Variants in COMMD1 observed in about 807,000 individuals in gnomAD.
COMMD1 encodes the protein COMM domain-containing protein 1.
Under a neutral mutation model 17.2 loss-of-function variants are expected in COMMD1, and 10 were observed. The observed-to-expected ratio is 0.58, with a 90% confidence interval of 0.36 to 0.99. The LOEUF is 0.99. COMMD1 is among the 50% of genes least tolerant of loss of function. COMMD1 has a pLI of 0.01. For synonymous variants in COMMD1, 97 were observed against 91.6 expected (o/e 1.06, Z -0.34); for missense variants, 270 against 231.8 (o/e 1.17, Z -1.07).
chr2:62,058,788 G>T (rs1163430900), intron 2 of COMMD1, among the ~76,000 whole-genome samples: 1 of 150,658 alleles, frequency 6.6e-6, no homozygotes, highest in African/African-American at 2.4e-5. Flanking sequence ...CTTTCTTTCT[G>T]TTTTTTTTTG....
chr2:61,930,023 T>C (rs1234725820), intron 1 of COMMD1, among the ~76,000 whole-genome samples: 1 of 152,000 alleles, frequency 6.6e-6, no homozygotes, highest in African/African-American at 2.4e-5. Flanking sequence ...GGGAAAGATA[T>C]TTTTCCTCCC....
rs1238325360 is a variant in COMMD1 at position 62,130,138 on chromosome 2, G to A, written c.463-5693G>A. Among the ~76,000 whole-genome samples the A allele has an allele frequency of 2.7e-5, 4 of 146,916 alleles. No homozygotes were observed. The East Asian group carries it at 7.9e-4, about 29-fold the overall frequency. ...TGCAATGAGCCGAGATCGCGCCAGT[G>A]AGCGAGACTCTGTCTCAAAAAAAAA... On this transcript the variant is annotated intron_variant, in intron 2 of 2. Transcript: ENST00000311832.
chr2:62,100,989 G>A (rs1672163525), intron 2 of COMMD1, among the ~76,000 whole-genome samples: 2 of 151,824 alleles, frequency 1.3e-5, no homozygotes, highest in Non-Finnish European at 2.9e-5. Context: ...GAGTCTGATT[G>A]GAAAGTAAGT....
chr2:62,004,237 C>A (rs1669046734), intron 2 of COMMD1, among the ~76,000 whole-genome samples: 1 of 152,188 alleles, frequency 6.6e-6, no homozygotes, highest in African/African-American at 2.4e-5. Context: ...ACATCACATA[C>A]TTCAAAGTAG....
chr2:62,108,252 C>G (rs1255192802), intron 2 of COMMD1, among the ~76,000 whole-genome samples: 1 of 152,090 alleles, frequency 6.6e-6, no homozygotes, highest in Non-Finnish European at 1.5e-5. Flanking sequence ...GAATTCTGCA[C>G]TATGTTTGTA....
intron 2 of COMMD1, among the ~76,000 whole-genome samples, chr2:62,066,961 T>C (rs1011199811): frequency 6.9e-6 from 1 of 144,594 alleles, no homozygotes; most frequent in Non-Finnish European, 1.5e-5. Flanking sequence ...CCTGGTCTCA[T>C]GTGATCTGCC....
chr2:61,905,660 G>T (rs1420559524), upstream of COMMD1: 10 of 1,531,818 alleles, frequency 6.5e-6, no homozygotes, highest in South Asian at 1.1e-4. Context: ...GCTGTTGCGG[G>T]GCGGGGCCTT....
At chr2:61,997,357 G>T (rs1406849882) in intron 1 of COMMD1, among the ~76,000 whole-genome samples, 2 of 150,434 alleles carry the variant, frequency 1.3e-5, no homozygotes. Context: ...CACTATGCCT[G>T]GTCACAAAAT....
intron 2 of COMMD1, among the ~76,000 whole-genome samples, chr2:62,040,559 A>G (rs1018317603): frequency 6.6e-6 from 1 of 152,220 alleles, no homozygotes; most frequent in African/African-American, 2.4e-5. Flanking sequence ...CAAAAGACAA[A>G]ATATTTCAGG....
chr2:62,054,797 G>A lies in COMMD1; in HGVS notation c.462+53815G>A, dbSNP rs369597569. Among the ~76,000 whole-genome samples, 76 of 152,300 alleles carry A rather than the reference G, an allele frequency of 5.0e-4. 1 individual carries two copies. Among genetic ancestry groups the A allele is most frequent in the South Asian group, 4.6e-3 (22 of 4,820 alleles). On this transcript the variant is annotated intron_variant, in intron 2 of 2. Coordinates refer to ENST00000311832, the MANE Select transcript of COMMD1 (RefSeq NM_152516.4). ...TTGGGTGATGGATACCCTAAAAGCC[G>A]TGACTTGACCTCTATGCAATCTATG...
intron 2 of COMMD1, among the ~76,000 whole-genome samples, chr2:62,098,961 A>G (rs569768198): frequency 4.6e-5 from 7 of 152,296 alleles, no homozygotes; most frequent in African/African-American, 1.4e-4. Flanking sequence ...TGGGGAATCC[A>G]GGTACCAGGG....
chr2:61,972,446 G>A (rs1671675857), intron 1 of COMMD1, among the ~76,000 whole-genome samples: 1 of 152,170 alleles, frequency 6.6e-6, no homozygotes, highest in Non-Finnish European at 1.5e-5. Context: ...TCTTATGGGT[G>A]AGTTGTGTGT....
intron 2 of COMMD1, among the ~76,000 whole-genome samples, chr2:62,056,256 A>G (rs1192344485): frequency 6.6e-6 from 1 of 152,196 alleles, no homozygotes; most frequent in Admixed American, 6.5e-5. Flanking sequence ...TAGCATCCAC[A>G]TTTAAGTACA....
chr2:62,109,817 C>G (rs1320671966), intron 2 of COMMD1, among the ~76,000 whole-genome samples: 1 of 150,600 alleles, frequency 6.6e-6, no homozygotes, highest in African/African-American at 2.4e-5. Flanking sequence ...CAGCCTCTAT[C>G]TGTAATTTAT....
At chr2:62,041,948 A>T (rs925427799) in intron 2 of COMMD1, among the ~76,000 whole-genome samples, 3 of 152,220 alleles carry the variant, frequency 2.0e-5, no homozygotes, top group African/African-American at 7.2e-5. Context: ...AAGCTTCCAC[A>T]CTGTGGAAGA....
At chr2:61,905,965 T>C (rs1392669904) in intron 1 of COMMD1, 107 bp downstream of exon 1, 8 of 1,128,808 alleles carry the variant, frequency 7.1e-6, no homozygotes, top group Non-Finnish European at 1.3e-6. Flanking sequence ...GAAAGGCTTT[T>C]CCCTCTCAGA....
chr2:61,974,006 A>C (rs1367374363), intron 1 of COMMD1, among the ~76,000 whole-genome samples: 2 of 152,212 alleles, frequency 1.3e-5, no homozygotes, highest in South Asian at 2.1e-4. Context: ...AGAACATCAT[A>C]TAATGGGGCT....
intron 1 of COMMD1, among the ~76,000 whole-genome samples, chr2:61,964,003 C>T (rs1272351637): frequency 6.6e-6 from 1 of 152,152 alleles, no homozygotes; most frequent in East Asian, 1.9e-4. Context: ...CGATTTTCAA[C>T]CTCTTCTTCG....
rs1383743530 is a variant in COMMD1, at chr2:61,905,675, G to A, written c.-4G>A. On this transcript the variant is annotated 5_prime_UTR_variant, in exon 1 of 3. Coordinates refer to ENST00000311832, the MANE Select transcript of COMMD1 (RefSeq NM_152516.4). The stretch of plus-strand genomic sequence containing the variant: ...GCTGTTGCGGGGCGGGGCCTTCGCA[G>A]AGCATGGCGGCGGGCGAGCTTGAGG... 6 of 1,552,144 alleles carry A rather than the reference G, an allele frequency of 3.9e-6. No homozygotes were observed. The highest frequency in any genetic ancestry group is 1.4e-5 in the African/African-American group (1 of 73,828).
Sources: gnomAD v4.1 joint callset for allele counts (sites outside exome capture counted in the v4.1 genomes callset) on GRCh38, gnomAD v4.1.1 for gene constraint, MANE v1.5 for transcripts, NCBI Gene and HGNC (gene_info 2026-07-23, HGNC 2026-07-21) for gene names.